The following DOCK1 variants were observed in gnomAD, a reference collection of about 807,000 sequenced individuals.
The protein encoded by DOCK1 is dedicator of cytokinesis protein 1.
DOCK1 carries 138 observed loss-of-function variants against 262.7 expected under a neutral mutation model. That is an observed-to-expected ratio of 0.53 (90% CI 0.46 to 0.61). DOCK1 has a LOEUF of 0.61. Ranked by LOEUF, DOCK1 falls within the 20% of genes least tolerant of loss-of-function variation. The pLI, the probability that DOCK1 is intolerant of heterozygous loss-of-function variation, is 0.00. For missense variants in DOCK1, 1,908 were observed against 2,370.7 expected, an observed-to-expected ratio of 0.80 and a Z score of 4.05; for synonymous variants, 866 against 867.4, an observed-to-expected ratio of 1.00 and a Z score of 0.03.
At chr10:126,952,247 G>A (rs945296073) in intron 1 of DOCK1, among the ~76,000 whole-genome samples, 1 of 152,202 alleles carries the variant, frequency 6.6e-6, no homozygotes, top group East Asian at 1.9e-4. Context: ...TGTTGTAGGT[G>A]ATGGTGATGG....
chr10:127,182,926 G>A (rs759850997), intron 27 of DOCK1, among the ~76,000 whole-genome samples: 18 of 152,028 alleles, frequency 1.2e-4, no homozygotes, highest in Non-Finnish European at 2.1e-4. Context: ...GGTAGTTTGG[G>A]GCCCATCAGA....
chr10:127,133,366 T>A (rs553784792), intron 27 of DOCK1, among the ~76,000 whole-genome samples: 2 of 152,340 alleles, frequency 1.3e-5, no homozygotes, highest in Admixed American at 1.3e-4. Flanking sequence ...AAAATGATTT[T>A]AAAATCATCT....
At chr10:127,146,461 T>G (rs2051862925) in intron 27 of DOCK1, among the ~76,000 whole-genome samples, 2 of 152,266 alleles carry the variant, frequency 1.3e-5, no homozygotes, top group Non-Finnish European at 2.9e-5. Flanking sequence ...AGAAAAAACT[T>G]GGATTATTAG....
intron 29 of DOCK1, among the ~76,000 whole-genome samples, chr10:127,289,080 A>G (rs1321630416): frequency 6.6e-6 from 1 of 152,104 alleles, no homozygotes; most frequent in South Asian, 2.1e-4. Context: ...ACCTTTCCCT[A>G]CAGGAAACCA....
At chr10:127,045,750 G>A (rs945842609) in intron 21 of DOCK1, among the ~76,000 whole-genome samples, 1 of 152,130 alleles carries the variant, frequency 6.6e-6, no homozygotes, top group Non-Finnish European at 1.5e-5. Flanking sequence ...TGAGAATGAA[G>A]GGAGGCATCG....
intron 1 of DOCK1, among the ~76,000 whole-genome samples, chr10:126,961,167 C>A (rs2037188067): frequency 1.3e-5 from 2 of 152,266 alleles, no homozygotes; most frequent in South Asian, 4.1e-4. Context: ...GATTCTGTTA[C>A]CCAAACATTG....
chr10:127,132,897 G>A (rs1204517509), intron 27 of DOCK1, among the ~76,000 whole-genome samples: 1 of 152,158 alleles, frequency 6.6e-6, no homozygotes, highest in Non-Finnish European at 1.5e-5. Flanking sequence ...TGAAAATGTG[G>A]GCTTCTTTTA....
At chr10:126,975,828 G>T (rs762878022) in intron 2 of DOCK1, among the ~76,000 whole-genome samples, 31 of 151,788 alleles carry the variant, frequency 2.0e-4, no homozygotes, top group Middle Eastern at 6.8e-3. Flanking sequence ...ATGTTGGCCA[G>T]GCTAGTCTTG....
At chr10:126,956,651 G>C (rs1231076241) in intron 1 of DOCK1, among the ~76,000 whole-genome samples, 1 of 152,216 alleles carries the variant, frequency 6.6e-6, no homozygotes, top group Non-Finnish European at 1.5e-5. Flanking sequence ...GCCCCGGCTG[G>C]ATGGACCTTC....
intron 8 of DOCK1, chr10:126,998,798 C>T (rs530729840): frequency 6.4e-6 from 1 of 157,314 alleles, no homozygotes; most frequent in South Asian, 1.9e-4. Flanking sequence ...TCTCTTTGCC[C>T]AGATGGAAAC....
intron 27 of DOCK1, among the ~76,000 whole-genome samples, chr10:127,218,090 AAG>A (rs2058288847): frequency 1.3e-5 from 2 of 152,188 alleles, no homozygotes; most frequent in African/African-American, 4.8e-5. Flanking sequence ...ATTTTTAAAA[AAG>A]TATCTTTATG....
intron 27 of DOCK1, chr10:127,136,060 T>TA (rs1219120284): frequency 1.3e-5 from 2 of 152,658 alleles, no homozygotes; most frequent in Non-Finnish European, 2.9e-5. Flanking sequence ...TTTATTGATA[T>TA]TCAGGGATTC....
intron 4 of DOCK1, among the ~76,000 whole-genome samples, chr10:126,982,526 A>C (rs968383209): frequency 2.0e-5 from 3 of 152,194 alleles, no homozygotes. Flanking sequence ...CCAGGTGTGA[A>C]CTTGGAAGAA....
chr10:127,108,267 A>T (rs527923040), intron 24 of DOCK1, among the ~76,000 whole-genome samples: 1 of 152,288 alleles, frequency 6.6e-6, no homozygotes, highest in South Asian at 2.1e-4. Context: ...TCCCTTACAC[A>T]CATACGTACA....
chr10:126,925,772 G>A (rs770690406), intron 1 of DOCK1, among the ~76,000 whole-genome samples: 3 of 148,154 alleles, frequency 2.0e-5, no homozygotes, highest in East Asian at 2.0e-4. Context: ...GTGTGTGTGC[G>A]CCTAGGTGCA....
At chr10:127,114,096 G>C (rs187460138) in intron 25 of DOCK1, among the ~76,000 whole-genome samples, 1 of 152,092 alleles carries the variant, frequency 6.6e-6, no homozygotes, top group Non-Finnish European at 1.5e-5. Flanking sequence ...CTCATGGCAC[G>C]CCCCCCATGT....
intron 25 of DOCK1, among the ~76,000 whole-genome samples, chr10:127,114,695 T>C (rs2049066066): frequency 6.6e-6 from 1 of 151,880 alleles, no homozygotes; most frequent in Non-Finnish European, 1.5e-5. Flanking sequence ...AAGAGAGTAA[T>C]GCATGCCAGT....
At chr10:126,950,045 C>G (rs2036065320) in intron 1 of DOCK1, among the ~76,000 whole-genome samples, 1 of 144,330 alleles carries the variant, frequency 6.9e-6, no homozygotes, top group African/African-American at 2.7e-5. Context: ...CTAACATCCT[C>G]TCTAAGCCTC....
chr10:127,115,150 G>T (rs555268691), intron 25 of DOCK1, among the ~76,000 whole-genome samples: 21 of 152,114 alleles, frequency 1.4e-4, no homozygotes, highest in Non-Finnish European at 4.4e-5. Flanking sequence ...TTAAATGTAT[G>T]GTGGTAATAC....
Sources: allele counts gnomAD v4.1 joint callset (sites outside exome capture counted in the v4.1 genomes callset), GRCh38; gene constraint gnomAD v4.1.1; transcripts MANE v1.5; gene names NCBI Gene and HGNC (gene_info 2026-07-23, HGNC 2026-07-21).